The following GLIS3 variants were observed in gnomAD, a reference collection of about 807,000 sequenced individuals.
The protein encoded by GLIS3 is GLIS family zinc finger 3.
GLIS3 carries 53 observed loss-of-function variants against 78.6 expected under a neutral mutation model. The ratio of observed to expected loss-of-function variants is 0.67; its 90% confidence interval spans 0.54 to 0.85. The LOEUF (loss-of-function observed/expected upper bound fraction) is 0.85. GLIS3 is among the 40% of genes least tolerant of loss of function. The pLI is 0.00. For synonymous variants in GLIS3, 684 were observed against 509.9 expected, an observed-to-expected ratio of 1.34 and a Z score of -4.60; for missense variants, 1,703 against 1,231.1, an observed-to-expected ratio of 1.38 and a Z score of -5.74.
chr9:4,359,610 G>A, the GLIS3 span, among the ~76,000 whole-genome samples: 2 of 152,086 alleles, frequency 1.3e-5, no homozygotes, highest in Admixed American at 6.5e-5. Context: ...AAAGAACTTG[G>A]GAGTATACAG....
chr9:4,075,011 G>T (rs1172467803), intron 4 of GLIS3, among the ~76,000 whole-genome samples: 1 of 152,114 alleles, frequency 6.6e-6, no homozygotes, highest in Admixed American at 6.5e-5. Flanking sequence ...GAAGACAACA[G>T]ACGTACTCAC....
At chr9:4,015,888 CAAAAAAAAAAAAAA>C (rs1049791263) in intron 4 of GLIS3, among the ~76,000 whole-genome samples, 1 of 32,254 alleles carries the variant, frequency 3.1e-5, no homozygotes, top group East Asian at 8.6e-4. Context: ...GACTCTGTCT[CAAAAAAAAAAAAAA>C]AAAAAAAAAA....
intron 2 of GLIS3, among the ~76,000 whole-genome samples, chr9:4,204,619 G>C (rs992003085): frequency 6.6e-6 from 1 of 152,076 alleles, no homozygotes; most frequent in African/African-American, 2.4e-5. Context: ...AGAGAGTCAA[G>C]TATCAAGAAG....
chr9:4,422,305 C>T, the GLIS3 span, among the ~76,000 whole-genome samples: 7 of 152,150 alleles, frequency 4.6e-5, no homozygotes, highest in Non-Finnish European at 1.0e-4. Flanking sequence ...ACAAAGCAAA[C>T]CTTGGCACAA....
In GLIS3 at chr9:4,079,037, G is replaced by A. The variant is rs535338557; in HGVS notation, c.1710+38731C>T. On this transcript the variant is annotated intron_variant, in intron 4 of 10. Transcript: ENST00000381971. ...CTAAATAGAACCAAACTCTTCCAAG[G>A]TAAAACAGCTTAATGCAAACAAGAT... is the stretch of plus-strand genomic sequence containing the variant. 3.9e-5 allele frequency among the ~76,000 whole-genome samples: 6 copies of A among 152,212 alleles called. No individual in the cohort carries two copies. The South Asian group carries it at 1.2e-3, about 32-fold the overall frequency.
intron 2 of GLIS3, among the ~76,000 whole-genome samples, chr9:4,233,967 TCTG>T (rs1391414990): frequency 6.6e-6 from 1 of 152,196 alleles, no homozygotes; most frequent in African/African-American, 2.4e-5. Context: ...TAAACCAACT[TCTG>T]CTAGCTTCCA....
At chr9:4,412,668 G>A in the GLIS3 span, among the ~76,000 whole-genome samples, 1 of 152,168 alleles carries the variant, frequency 6.6e-6, no homozygotes, top group Non-Finnish European at 1.5e-5. Context: ...GGTAGAGACT[G>A]GCTGTTTACC....
chr9:4,466,527 A>G, the GLIS3 span, among the ~76,000 whole-genome samples: 1 of 152,194 alleles, frequency 6.6e-6, no homozygotes, highest in East Asian at 1.9e-4. Flanking sequence ...TAACATAGAT[A>G]TAAAATTTTT....
the GLIS3 span, among the ~76,000 whole-genome samples, chr9:4,359,341 C>T: frequency 6.6e-6 from 1 of 152,168 alleles, no homozygotes; most frequent in Non-Finnish European, 1.5e-5. Context: ...CTAGTGGATT[C>T]ACCCAAACTG....
At chr9:4,487,130 G>C in the GLIS3 span, among the ~76,000 whole-genome samples, 1 of 152,150 alleles carries the variant, frequency 6.6e-6, no homozygotes, top group African/African-American at 2.4e-5. Flanking sequence ...CTCTCGAGTA[G>C]CTGGGATTAC....
chr9:3,869,436 C>G (rs1048195114), intron 8 of GLIS3, among the ~76,000 whole-genome samples: 15 of 152,098 alleles, frequency 9.9e-5, no homozygotes, highest in Admixed American at 2.0e-4. Flanking sequence ...GTGTCAGGCA[C>G]TAGTATTCAA....
At chr9:4,225,186 GT>G (rs1435168392) in intron 2 of GLIS3, among the ~76,000 whole-genome samples, 3 of 152,010 alleles carry the variant, frequency 2.0e-5, no homozygotes, top group Admixed American at 6.6e-5. Flanking sequence ...GATGAGACCA[GT>G]TTTTTTCTTC....
At chr9:3,965,459 G>A (rs1029265454) in intron 4 of GLIS3, among the ~76,000 whole-genome samples, 2 of 152,110 alleles carry the variant, frequency 1.3e-5, no homozygotes, top group African/African-American at 2.4e-5. Flanking sequence ...CTCCCAAAGC[G>A]CTGGGATTAC....
chr9:4,479,862 C>T, the GLIS3 span, among the ~76,000 whole-genome samples: 1 of 150,860 alleles, frequency 6.6e-6, no homozygotes, highest in African/African-American at 2.5e-5. Flanking sequence ...GTCTCCCTTC[C>T]TTCTTCCCAT....
intron 7 of GLIS3, among the ~76,000 whole-genome samples, chr9:3,892,913 CTCT>C (rs1822557415): frequency 6.6e-6 from 1 of 152,164 alleles, no homozygotes; most frequent in Non-Finnish European, 1.5e-5. Context: ...ACTCAGCCTT[CTCT>C]TCTCATGTGC....
chr9:4,436,810 CAAAAAAA>C, the GLIS3 span, among the ~76,000 whole-genome samples: 55 of 53,590 alleles, frequency 1.0e-3, no homozygotes, highest in African/African-American at 3.6e-3. Flanking sequence ...GACTGCATCT[CAAAAAAA>C]AAAAAAAAAA....
the GLIS3 span, among the ~76,000 whole-genome samples, chr9:4,373,131 GC>G: frequency 2.0e-5 from 3 of 152,168 alleles, no homozygotes; most frequent in Non-Finnish European, 4.4e-5. Context: ...AAAAATACGG[GC>G]TTTTGTGATT....
chr9:4,073,121 G>A (rs1220846064), intron 4 of GLIS3, among the ~76,000 whole-genome samples: 9 of 151,898 alleles, frequency 5.9e-5, no homozygotes, highest in Admixed American at 4.6e-4. Flanking sequence ...CCTTGCAACC[G>A]ATACATTTGA....
the GLIS3 span, among the ~76,000 whole-genome samples, chr9:4,486,593 A>G: frequency 7.2e-5 from 11 of 152,182 alleles, no homozygotes; most frequent in African/African-American, 2.7e-4. Flanking sequence ...CCGTGTGTAT[A>G]CGTTCAATAC....
Sources: gnomAD v4.1 joint callset for allele counts (sites outside exome capture counted in the v4.1 genomes callset) on GRCh38, gnomAD v4.1.1 for gene constraint, MANE v1.5 for transcripts, NCBI Gene and HGNC (gene_info 2026-07-23, HGNC 2026-07-21) for gene names.